Variants in SERPINI1 observed in about 807,000 individuals in gnomAD.
SERPINI1 encodes neuroserpin.
Under a neutral mutation model 41.1 loss-of-function variants are expected in SERPINI1, and 19 were observed. That is an observed-to-expected ratio of 0.46 (90% confidence interval 0.32 to 0.68). The LOEUF (loss-of-function observed/expected upper bound fraction) is 0.68. SERPINI1 is among the 30% of genes least tolerant of loss of function. SERPINI1 has a pLI of 0.03. For synonymous variants in SERPINI1, 138 were observed against 156.6 expected (o/e 0.88, Z 0.89); for missense variants, 460 against 479.2 (o/e 0.96, Z 0.37).
Position 167,765,332 on chromosome 3 carries a change from G to A in SERPINI1, c.-18-23779G>A, listed in dbSNP as rs542225384. ...TCCCAAATCTCAATTCTTGACTTCTGTGCACTCACAGGCTCAACACCATAT... is the reference window on the plus strand; with the variant it reads ...TCCCAAATCTCAATTCTTGACTTCTATGCACTCACAGGCTCAACACCATAT... On this transcript the variant is annotated intron_variant, in intron 1 of 8. Transcript: ENST00000446050. Among the ~76,000 whole-genome samples the A allele has an allele frequency of 1.9e-3, 296 of 152,322 alleles. 1 individual carries two copies. The highest frequency in any genetic ancestry group is 7.0e-3 in the African/African-American group (292 of 41,580).
intron 5 of SERPINI1, among the ~76,000 whole-genome samples, chr3:167,802,491 G>T (rs1396176586): frequency 6.6e-6 from 1 of 151,228 alleles, no homozygotes; most frequent in African/African-American, 2.4e-5. Context: ...CTTCTCAAAA[G>T]AAGACATTTA....
rs2108567251 is a variant in SERPINI1, at chr3:167,807,272, A to C, written c.910A>C (p.Lys304Gln). 3.1e-6 allele frequency: 5 copies of C among 1,612,872 alleles called. No homozygotes were observed. Among genetic ancestry groups the C allele is most frequent in the East Asian group, 4.5e-5 (2 of 44,724 alleles). The change falls in exon 6 of 9, where the codon AAA becomes CAA. Residue 304 changes from lysine (K) to glutamine (Q), a missense_variant. Physicochemically the swap from Lys to Gln is moderately conservative, Grantham distance 53 (BLOSUM62 1). Coordinates refer to ENST00000446050, the MANE Select transcript of SERPINI1 (RefSeq NM_001122752.2). The part of the protein sequence containing the change: ...RFTVEQEIDL[K>Q]DVLKALGITE... ...CACAGTGGAACAGGAAATTGATTTA[A>C]AAGATGTTTTGAAGGCTCTTGGAAT...
intron 1 of SERPINI1, among the ~76,000 whole-genome samples, chr3:167,769,990 T>C (rs968104986): frequency 1.3e-4 from 20 of 149,744 alleles, no homozygotes; most frequent in Non-Finnish European, 2.2e-4. Flanking sequence ...TTTTTTTTTT[T>C]CCTGTGGATT....
Position 167,743,348 on chromosome 3 carries a change from A to T in SERPINI1, c.-19+7525A>T, listed in dbSNP as rs189635410. 2.5e-3 allele frequency among the ~76,000 whole-genome samples: 383 copies of T among 152,284 alleles called. 2 individuals are homozygous for T. Among genetic ancestry groups the T allele is most frequent in the African/African-American group, 9.0e-3 (374 of 41,562 alleles). ...GACTCATTCATACAGTGACACTTTG[A>T]TACTCATGGTTTTGGTGAATTATGA... is the stretch of plus-strand genomic sequence containing the variant. On this transcript the variant is annotated intron_variant, in intron 1 of 8. Coordinates refer to ENST00000446050, the MANE Select transcript of SERPINI1 (RefSeq NM_001122752.2).
chr3:167,822,275 TCTCTG>T (rs1168499899), intron 6 of SERPINI1, among the ~76,000 whole-genome samples: 2 of 152,292 alleles, frequency 1.3e-5, no homozygotes, highest in East Asian at 3.9e-4. Flanking sequence ...ATATAGTCAA[TCTCTG>T]AAGTACTGGG....
At chr3:167,804,414 G>T (rs1313550745) in intron 5 of SERPINI1, among the ~76,000 whole-genome samples, 1 of 152,078 alleles carries the variant, frequency 6.6e-6, no homozygotes, top group Non-Finnish European at 1.5e-5. Context: ...ACAACCTATT[G>T]CCTTAAATTT....
intron 4 of SERPINI1, 29 bp from the exon 5 acceptor site, chr3:167,794,591 A>T (rs779449254): frequency 6.9e-6 from 11 of 1,600,132 alleles, no homozygotes; most frequent in Non-Finnish European, 8.6e-6. Flanking sequence ...TTTGATAGGC[A>T]TCTTTTATGG....
intron 1 of SERPINI1, among the ~76,000 whole-genome samples, chr3:167,767,875 A>C (rs943792708): frequency 6.6e-6 from 1 of 152,172 alleles, no homozygotes; most frequent in African/African-American, 2.4e-5. Flanking sequence ...GGGATGAGGC[A>C]TTGCTTCTTA....
chr3:167,751,215 G>C (rs901212384), intron 1 of SERPINI1, among the ~76,000 whole-genome samples: 1 of 152,060 alleles, frequency 6.6e-6, no homozygotes, highest in Non-Finnish European at 1.5e-5. Flanking sequence ...TTCAGTTACC[G>C]CAGACTCCTC....
chr3:167,815,664 A>G (rs1044572113), intron 6 of SERPINI1, among the ~76,000 whole-genome samples: 1 of 152,166 alleles, frequency 6.6e-6, no homozygotes, highest in African/African-American at 2.4e-5. Context: ...TGCTGGGATT[A>G]CAGGTGTGAG....
intron 1 of SERPINI1, among the ~76,000 whole-genome samples, chr3:167,745,683 C>T (rs1725842930): frequency 6.6e-6 from 1 of 152,026 alleles, no homozygotes; most frequent in Non-Finnish European, 1.5e-5. Context: ...ACATGAAAAA[C>T]TATTAGAACT....
intron 6 of SERPINI1, among the ~76,000 whole-genome samples, chr3:167,813,268 G>T (rs577229708): frequency 1.3e-5 from 2 of 152,274 alleles, no homozygotes; most frequent in African/African-American, 4.8e-5. Context: ...CCTGCCCCCA[G>T]CTGTTTGCTT....
intron 1 of SERPINI1, among the ~76,000 whole-genome samples, chr3:167,747,568 C>T (rs979561694): frequency 2.0e-5 from 3 of 152,058 alleles, no homozygotes; most frequent in Non-Finnish European, 4.4e-5. Context: ...GGCGTGAACC[C>T]GGGAGGCGGA....
chr3:167,819,770 C>CT, intron 6 of SERPINI1, among the ~76,000 whole-genome samples: 1 of 152,272 alleles, frequency 6.6e-6, no homozygotes, highest in East Asian at 1.9e-4. Flanking sequence ...CTTACAAAGT[C>CT]TAACTAAGCA....
At chr3:167,749,647 T>C (rs1020164774) in intron 1 of SERPINI1, among the ~76,000 whole-genome samples, 8 of 152,222 alleles carry the variant, frequency 5.3e-5, no homozygotes, top group African/African-American at 1.4e-4. Context: ...ATTTCCACTG[T>C]AACACACCTT....
chr3:167,750,934 TAGAC>T (rs1285032591), intron 1 of SERPINI1, among the ~76,000 whole-genome samples: 14 of 152,288 alleles, frequency 9.2e-5, no homozygotes, highest in African/African-American at 3.1e-4. Flanking sequence ...CTTAAAAAAT[TAGAC>T]AGCTGCAATT....
chr3:167,807,384 A>G (rs775581404), intron 6 of SERPINI1, 43 bp downstream of exon 6: 1 of 1,238,102 alleles, frequency 8.1e-7, no homozygotes, highest in Non-Finnish European at 1.2e-6. Flanking sequence ...ATTCCATAAG[A>G]GCTTTATTAA....
chr3:167,786,348 CA>C (rs1183858312), intron 1 of SERPINI1, among the ~76,000 whole-genome samples: 10 of 147,456 alleles, frequency 6.8e-5, no homozygotes, highest in African/African-American at 5.0e-5. Flanking sequence ...ACTAAAAATA[CA>C]AAAAAAAAAT....
At chr3:167,793,520 T>C (rs919964703) in intron 4 of SERPINI1, among the ~76,000 whole-genome samples, 16 of 151,126 alleles carry the variant, frequency 1.1e-4, no homozygotes, top group Non-Finnish European at 2.1e-4. Context: ...GGAGGATTCC[T>C]TGAAGCCAGG....
Sources: gnomAD v4.1 joint callset for allele counts (sites outside exome capture counted in the v4.1 genomes callset) on GRCh38, gnomAD v4.1.1 for gene constraint, MANE v1.5 for transcripts, NCBI Gene and HGNC (gene_info 2026-07-23, HGNC 2026-07-21) for gene names.